The following EPB41L2 variants were observed in gnomAD, a reference collection of about 807,000 sequenced individuals.
EPB41L2 encodes the protein band 4.1-like protein 2.
Under a neutral mutation model 113.0 loss-of-function variants are expected in EPB41L2, and 43 were observed. That is an observed-to-expected ratio of 0.38 (90% CI 0.30 to 0.49). The LOEUF is 0.49. Among genes scored for constraint, EPB41L2 ranks in the 20% least tolerant of loss-of-function variants. The pLI is 0.95. For synonymous variants in EPB41L2, 442 were observed against 436.7 expected, an observed-to-expected ratio of 1.01 and a Z score of -0.15; for missense variants, 1,147 against 1,223.4, an observed-to-expected ratio of 0.94 and a Z score of 0.93.
intron 1 of EPB41L2, among the ~76,000 whole-genome samples, chr6:131,046,733 G>A (rs914604803): frequency 6.6e-6 from 1 of 152,094 alleles, no homozygotes; most frequent in Non-Finnish European, 1.5e-5. Context: ...GTAAGGTGGA[G>A]GTTATCACCT....
intron 1 of EPB41L2, among the ~76,000 whole-genome samples, chr6:131,011,164 T>A (rs1189797901): frequency 6.6e-6 from 1 of 152,208 alleles, no homozygotes; most frequent in Non-Finnish European, 1.5e-5. Flanking sequence ...AGGGAGTAAG[T>A]GCATAATCAC....
At chr6:131,034,220 G>A (rs1033967487) in intron 1 of EPB41L2, among the ~76,000 whole-genome samples, 3 of 152,194 alleles carry the variant, frequency 2.0e-5, no homozygotes, top group South Asian at 4.1e-4. Context: ...TCCTATCTAC[G>A]AGAAACAAAC....
chr6:131,028,367 T>TA (rs1228745495), intron 1 of EPB41L2, among the ~76,000 whole-genome samples: 15 of 152,192 alleles, frequency 9.9e-5, no homozygotes, highest in African/African-American at 3.6e-4. Context: ...GGTCATCCCT[T>TA]AGTGCAACAA....
Position 130,851,761 on chromosome 6 carries a change from T to C in EPB41L2, c.*5+6370A>G, listed in dbSNP as rs143330667. ...ACATGCTCATTTGGTTTTTCTGCCA[T>C]ATTTAATACTTGGTTACTCTCTCCT... On this transcript the variant is annotated intron_variant, in intron 19 of 19. Coordinates refer to ENST00000337057, the MANE Select transcript of EPB41L2 (RefSeq NM_001431.4). Among the ~76,000 whole-genome samples the C allele has an allele frequency of 6.3e-3, 953 of 152,348 alleles. 4 individuals are homozygous for C. Among genetic ancestry groups the C allele is most frequent in the Non-Finnish European group, 0.012 (786 of 68,022 alleles).
At chr6:130,978,007 C>T (rs9375788) in intron 1 of EPB41L2, among the ~76,000 whole-genome samples, 22,841 of 152,026 alleles carry the variant, frequency 0.15, 2,315 homozygotes, top group East Asian at 0.45. Context: ...TAATAATTTC[C>T]TACCAATCCA....
At chr6:130,986,761 G>A (rs1181401026) in intron 1 of EPB41L2, among the ~76,000 whole-genome samples, 1 of 151,924 alleles carries the variant, frequency 6.6e-6, no homozygotes, top group Non-Finnish European at 1.5e-5. Flanking sequence ...CATGTTCTGA[G>A]ATAGTAGTAA....
intron 1 of EPB41L2, among the ~76,000 whole-genome samples, chr6:131,054,907 T>C (rs6902930): frequency 0.15 from 22,801 of 152,178 alleles, 2,332 homozygotes; most frequent in East Asian, 0.43. Context: ...CAGGTTCATA[T>C]TGTTACTAAC....
intron 1 of EPB41L2, among the ~76,000 whole-genome samples, chr6:130,992,077 G>A (rs192994338): frequency 6.6e-6 from 1 of 152,206 alleles, no homozygotes; most frequent in East Asian, 1.9e-4. Context: ...CACATGTTGA[G>A]TAAATACCAA....
In EPB41L2 at chr6:130,901,684, A is replaced by C. The variant is rs549163803; in HGVS notation, c.930-504T>G. ...AAGCCCTTACTTTTCCATTTACCCC[A>C]TTTAAAGCAGTAGCTAGCTCAGTTT... On this transcript the variant is annotated intron_variant, in intron 6 of 19. Transcript: ENST00000337057. 1.2e-4 allele frequency among the ~76,000 whole-genome samples: 19 copies of C among 152,278 alleles called. No individual in the cohort carries two copies. In the East Asian group the frequency reaches 2.7e-3, roughly 22 times the overall value.
At chr6:130,940,256 T>C (rs137866060) in intron 3 of EPB41L2, among the ~76,000 whole-genome samples, 1 of 152,294 alleles carries the variant, frequency 6.6e-6, no homozygotes, top group African/African-American at 2.4e-5. Flanking sequence ...ATGGCAACAC[T>C]AGCCCTGTAA....
intron 3 of EPB41L2, among the ~76,000 whole-genome samples, chr6:130,933,287 A>G (rs1807536873): frequency 2.0e-5 from 3 of 152,230 alleles, no homozygotes. Flanking sequence ...CTCTATTCTA[A>G]TAATATGATA....
Position 131,045,148 on chromosome 6 carries a change from T to C in EPB41L2, c.-15+18007A>G, listed in dbSNP as rs576606711. On this transcript the variant is annotated intron_variant, in intron 1 of 19. Transcript: ENST00000337057. ...ACGGCTAGTTCTTCAGGTGCTATAG[T>C]TTCTCCTCATCTCAACATCCCAGTA... Among the ~76,000 whole-genome samples the C allele has an allele frequency of 1.9e-4, 29 of 152,220 alleles. No individual in the cohort carries two copies. The South Asian group carries it at 5.2e-3, about 27-fold the overall frequency.
intron 8 of EPB41L2, among the ~76,000 whole-genome samples, chr6:130,899,191 T>C (rs2128493602): frequency 6.6e-6 from 1 of 150,798 alleles, no homozygotes; most frequent in African/African-American, 2.5e-5. Context: ...GAAGCTGCAA[T>C]GCAAAATAAA....
At chr6:130,901,668 C>T (rs1796345865) in intron 6 of EPB41L2, among the ~76,000 whole-genome samples, 1 of 152,148 alleles carries the variant, frequency 6.6e-6, no homozygotes, top group African/African-American at 2.4e-5. Context: ...GAAGCCCTTA[C>T]TTTTCCATTT....
chr6:131,011,531 C>T (rs1055777109), intron 1 of EPB41L2, among the ~76,000 whole-genome samples: 1 of 152,218 alleles, frequency 6.6e-6, no homozygotes, highest in South Asian at 2.1e-4. Flanking sequence ...CAAATCAACA[C>T]TTGACTCTAT....
At chr6:130,984,747 GTCTCC>G (rs1780147248) in intron 1 of EPB41L2, among the ~76,000 whole-genome samples, 1 of 152,154 alleles carries the variant, frequency 6.6e-6, no homozygotes. Flanking sequence ...CTGTCCCACT[GTCTCC>G]TTAAGAAAAT....
intron 3 of EPB41L2, among the ~76,000 whole-genome samples, chr6:130,949,635 G>A (rs1164976022): frequency 2.6e-5 from 4 of 151,666 alleles, no homozygotes; most frequent in Non-Finnish European, 5.9e-5. Flanking sequence ...TGGAGGAGAG[G>A]GGAGACCCAA....
At chr6:130,848,277 G>A (rs954623676) in intron 19 of EPB41L2, among the ~76,000 whole-genome samples, 32 of 149,478 alleles carry the variant, frequency 2.1e-4, no homozygotes, top group Non-Finnish European at 3.4e-4. Flanking sequence ...ATTAGTTTAA[G>A]GTTGTCCTCT....
At chr6:131,028,604 A>G (rs115969649) in intron 1 of EPB41L2, among the ~76,000 whole-genome samples, 1,620 of 152,314 alleles carry the variant, frequency 0.011, 37 homozygotes, top group African/African-American at 0.036. Context: ...CAAACAACAC[A>G]AGATTTTTGT....
Sources: allele counts gnomAD v4.1 joint callset (sites outside exome capture counted in the v4.1 genomes callset), GRCh38; gene constraint gnomAD v4.1.1; transcripts MANE v1.5; gene names NCBI Gene and HGNC (gene_info 2026-07-23, HGNC 2026-07-21).